Variants in MAP6D1 observed in about 807,000 individuals in gnomAD.
MAP6D1 encodes MAP6 domain-containing protein 1.
A neutral mutation model predicts 17.4 loss-of-function variants in MAP6D1; 13 were observed. The ratio of observed to expected loss-of-function variants is 0.75; its 90% CI spans 0.49 to 1.19. The LOEUF (loss-of-function observed/expected upper bound fraction) is 1.19. Among genes scored for constraint, MAP6D1 ranks in the 50% most tolerant of loss-of-function variants. MAP6D1 has a pLI of 0.00. For missense variants in MAP6D1, 313 were observed against 312.6 expected, an observed-to-expected ratio of 1.00 and a Z score of -0.01; for synonymous variants, 141 against 145.7, an observed-to-expected ratio of 0.97 and a Z score of 0.23.
intron 1 of MAP6D1, among the ~76,000 whole-genome samples, chr3:183,820,816 A>G (rs1278999220): frequency 1.3e-5 from 2 of 152,044 alleles, no homozygotes; most frequent in African/African-American, 4.8e-5. Context: ...CTGAGGCAGG[A>G]GAATGGCGTG....
chr3:183,822,205 G>A (rs865789761), intron 1 of MAP6D1, among the ~76,000 whole-genome samples: 1 of 150,124 alleles, frequency 6.7e-6, no homozygotes, highest in African/African-American at 2.5e-5. Flanking sequence ...CCAGGAATTT[G>A]AGACCAGCCT....
At chr3:183,817,863 C>G in intron 2 of MAP6D1, 131 bp downstream of exon 2, 2 of 770,694 alleles carry the variant, frequency 2.6e-6, no homozygotes, top group Non-Finnish European at 4.4e-6. Context: ...GGTTTTTGTT[C>G]GGGACATCTG....
intron 1 of MAP6D1, among the ~76,000 whole-genome samples, chr3:183,819,079 C>T (rs1340709530): frequency 6.6e-6 from 1 of 152,276 alleles, no homozygotes; most frequent in Non-Finnish European, 1.5e-5. Context: ...GCCTGGCACC[C>T]ACGTGTGCGG....
rs1224726657 is a variant in MAP6D1 at position 183,817,322 on chromosome 3, C to G, written c.*34G>C. ...TCCTGAGGCCGCTCCCCAGCCCTGT[C>G]CTGTCGGCAGCCATGGTGTCACGGT... On this transcript the variant is annotated 3_prime_UTR_variant, in exon 3 of 3. Transcript: ENST00000318631. The G allele has an allele frequency of 3.2e-6, 5 of 1,549,656 alleles. No individual in the cohort carries two copies. The highest frequency in any genetic ancestry group is 4.4e-6 in the Non-Finnish European group (5 of 1,145,560).
intron 1 of MAP6D1, among the ~76,000 whole-genome samples, chr3:183,823,698 A>C (rs1325985689): frequency 6.6e-6 from 1 of 152,234 alleles, no homozygotes; most frequent in Non-Finnish European, 1.5e-5. Flanking sequence ...CTGAGGCAGG[A>C]GAATTGCTGG....
At position 183,815,963 on chromosome 3, in the gene MAP6D1, T is replaced by C. The variant is rs368148797; in HGVS notation, c.*1393A>G. ...AAATCTGAGATTGTACAGTTTTTAA[T>C]CTCATTTCCACAGACACCCAGCAGG... is the stretch of plus-strand genomic sequence containing the variant. On this transcript the variant is annotated 3_prime_UTR_variant, in exon 3 of 3. Transcript: ENST00000318631. The C allele has an allele frequency of 1.2e-4, 18 of 152,340 alleles. No individual in the cohort carries two copies. The highest frequency in any genetic ancestry group is 4.1e-4 in the African/African-American group (17 of 41,572). The allele number at this position is 152,340 out of a possible 1,614,324, so 9.4% of individuals were successfully genotyped here.
chr3:183,824,464 A>G (rs1032880496), intron 1 of MAP6D1, among the ~76,000 whole-genome samples: 61 of 152,374 alleles, frequency 4.0e-4, no homozygotes, highest in African/African-American at 1.4e-3. Context: ...GTGCATATGC[A>G]CCAAATGCAC....
intron 1 of MAP6D1, among the ~76,000 whole-genome samples, chr3:183,820,831 C>T (rs1274326603): frequency 5.6e-4 from 85 of 152,144 alleles, no homozygotes; most frequent in Non-Finnish European, 2.9e-5. Flanking sequence ...GGCGTGAACC[C>T]GGGAGGCGGA....
In MAP6D1 at chr3:183,817,046, C is replaced by T. The variant is rs919209628; in HGVS notation, c.*310G>A. On this transcript the variant is annotated 3_prime_UTR_variant, in exon 3 of 3. Coordinates refer to ENST00000318631, the MANE Select transcript of MAP6D1 (RefSeq NM_024871.4). ...ATTCCTCAGCTTCCATGGACCAATTCGGTTCCCAACTGACTTGATCCTCAG... is the reference window on the plus strand; with the variant it reads ...ATTCCTCAGCTTCCATGGACCAATTTGGTTCCCAACTGACTTGATCCTCAG... 5 of 388,930 alleles carry T rather than the reference C, an allele frequency of 1.3e-5. No individual in the cohort carries two copies. The highest frequency in any genetic ancestry group is 1.3e-4 in the Admixed American group (3 of 23,948). The allele number at this position is 388,930 out of a possible 1,614,324, so 24.1% of individuals were successfully genotyped here. A position where few individuals can be genotyped will look rare whatever the true frequency, so the allele number is the denominator to read the frequency against.
At chr3:183,818,333 C>T (rs1727168036) in intron 1 of MAP6D1, among the ~76,000 whole-genome samples, 1 of 152,242 alleles carries the variant, frequency 6.6e-6, no homozygotes, top group Non-Finnish European at 1.5e-5. Context: ...GGCCCCTCAC[C>T]TCAGCGATCC....
In MAP6D1 at chr3:183,817,393, A is replaced by G; in HGVS notation, c.563T>C (p.Ile188Thr). The change falls in exon 3 of 3, where the codon ATC becomes ACC. Residue 188 changes from isoleucine to threonine, a missense_variant. Coordinates refer to ENST00000318631, the MANE Select transcript of MAP6D1 (RefSeq NM_024871.4). ...RKKFTPNPSA[I>T]FQASAPRILN... ...AATCCGGGGAGCTGAGGCCTGAAAG[A>G]TGGCGGAGGGGTTAGGAGTGAACTT... 1.3e-6 allele frequency: 2 copies of G among 1,571,980 alleles called. No homozygotes were observed. The highest frequency in any genetic ancestry group is 1.7e-6 in the Non-Finnish European group (2 of 1,158,422).
chr3:183,825,063 G>T, intron 1 of MAP6D1, 84 bp downstream of exon 1: 2 of 1,258,790 alleles, frequency 1.6e-6, no homozygotes, highest in Non-Finnish European at 2.0e-6. Context: ...CCGCTCTGCC[G>T]CCCACCCCAT....
chr3:183,817,458 C>T (rs748109388), intron 2 of MAP6D1, 22 bp from the exon 3 acceptor site: 2 of 1,550,830 alleles, frequency 1.3e-6, no homozygotes, highest in Non-Finnish European at 1.7e-6. Context: ...AGTGTGGCCA[C>T]ATATCAGTGG....
At chr3:183,817,885 T>C (rs1480141855) in intron 2 of MAP6D1, 109 bp downstream of exon 2, 2 of 870,648 alleles carry the variant, frequency 2.3e-6, no homozygotes, top group Admixed American at 2.1e-5. Flanking sequence ...TTGGCACTGC[T>C]GTCCCTGGTC....
Position 183,816,787 on chromosome 3 carries a change from G to T in MAP6D1, c.*569C>A. The T allele has an allele frequency of 1.3e-5, 2 of 154,060 alleles. No homozygotes were observed. Among genetic ancestry groups the T allele is most frequent in the Non-Finnish European group, 2.9e-5 (2 of 69,198 alleles). 9.5% of individuals were successfully genotyped at this position (154,060 alleles called of 1,614,324 possible). ...TGGCCATAAGGAGGTCTGTGAAGTG[G>T]AAGCCCGTGACTGACGGTCTGTTTC... On this transcript the variant is annotated 3_prime_UTR_variant, in exon 3 of 3. Transcript: ENST00000318631.
At chr3:183,818,149 C>T (rs1231621867) in intron 1 of MAP6D1, 38 bp from the exon 2 acceptor site, 1 of 1,570,894 alleles carries the variant, frequency 6.4e-7, no homozygotes, top group Admixed American at 1.7e-5. Flanking sequence ...TGCACAGGGT[C>T]AGCCACCCCT....
chr3:183,820,547 T>G (rs780155432), intron 1 of MAP6D1: 2 of 151,882 alleles, frequency 1.3e-5, no homozygotes, highest in African/African-American at 4.8e-5. Flanking sequence ...GGGCAGATCA[T>G]GAGGTCAAGA....
chr3:183,816,216 T>C lies in MAP6D1; in HGVS notation c.*1140A>G, dbSNP rs919149291. 2 of 152,316 alleles carry C rather than the reference T, an allele frequency of 1.3e-5. No individual in the cohort carries two copies. The highest frequency in any genetic ancestry group is 3.4e-3 in the Middle Eastern group (1 of 294). 9.4% of individuals were successfully genotyped at this position (152,316 alleles called of 1,614,324 possible). On this transcript the variant is annotated 3_prime_UTR_variant, in exon 3 of 3. Coordinates refer to ENST00000318631, the MANE Select transcript of MAP6D1 (RefSeq NM_024871.4). The stretch of plus-strand genomic sequence containing the variant: ...CTGTCCCACCTGCACGTCTGGTGGC[T>C]CTGAGACCCGAGTGCCACCACCTGC...
chr3:183,819,261 C>A (rs988512068), intron 1 of MAP6D1, among the ~76,000 whole-genome samples: 1 of 152,264 alleles, frequency 6.6e-6, no homozygotes, highest in Non-Finnish European at 1.5e-5. Context: ...GAGAGCTAGG[C>A]CGGGGCCCCG....
Sources: gnomAD v4.1 joint callset for allele counts (sites outside exome capture counted in the v4.1 genomes callset) on GRCh38, gnomAD v4.1.1 for gene constraint, MANE v1.5 for transcripts, NCBI Gene and HGNC (gene_info 2026-07-23, HGNC 2026-07-21) for gene names.